Variants in CDH13 observed in about 807,000 individuals in gnomAD.
CDH13 encodes cadherin-13.
A neutral mutation model predicts 63.8 loss-of-function variants in CDH13; 24 were observed. The ratio of observed to expected loss-of-function variants is 0.38; its 90% confidence interval spans 0.27 to 0.53. The LOEUF (loss-of-function observed/expected upper bound fraction) is 0.53, where lower values mean the gene tolerates loss of function less well. Ranked by LOEUF, CDH13 falls within the 20% of genes least tolerant of loss-of-function variation. The pLI, the probability that CDH13 is intolerant of heterozygous loss-of-function variation, is 0.85. For missense variants in CDH13, 1,049 were observed against 903.1 expected (o/e 1.16, Z -2.07); for synonymous variants, 503 against 355.3 (o/e 1.42, Z -4.67).
chr16:83,438,435 G>C (rs991819173), intron 6 of CDH13, among the ~76,000 whole-genome samples: 1 of 152,150 alleles, frequency 6.6e-6, no homozygotes. Flanking sequence ...ATTTGAGATG[G>C]CACAGACAAT....
chr16:83,271,539 C>A (rs530779114), intron 5 of CDH13, among the ~76,000 whole-genome samples: 1 of 132,676 alleles, frequency 7.5e-6, no homozygotes, highest in African/African-American at 2.9e-5. Context: ...CAAAAAAAAA[C>A]GCTGTACCTA....
At chr16:83,171,406 A>T in intron 4 of CDH13, 1 of 846,970 alleles carries the variant, frequency 1.2e-6, no homozygotes. Context: ...ATGGGGGATT[A>T]CAGTTGAACA....
At chr16:82,754,487 G>C (rs1227881644) in intron 1 of CDH13, among the ~76,000 whole-genome samples, 4 of 152,084 alleles carry the variant, frequency 2.6e-5, no homozygotes, top group African/African-American at 9.7e-5. Context: ...TCTAGAAAAG[G>C]GGTCACTGTT....
chr16:83,272,981 C>T (rs2088871523), intron 5 of CDH13, among the ~76,000 whole-genome samples: 1 of 151,652 alleles, frequency 6.6e-6, no homozygotes, highest in Admixed American at 6.6e-5. Context: ...GCACAATCTG[C>T]TCAGATAACC....
chr16:83,215,984 A>AC (rs879666023), intron 4 of CDH13, among the ~76,000 whole-genome samples: 2,918 of 141,660 alleles, frequency 0.021, 74 homozygotes, highest in African/African-American at 0.062. Context: ...ACATAAAAAG[A>AC]CCACCCCCCA....
At chr16:83,110,523 G>C (rs971030906) in intron 3 of CDH13, among the ~76,000 whole-genome samples, 3 of 152,294 alleles carry the variant, frequency 2.0e-5, no homozygotes, top group African/African-American at 7.2e-5. Flanking sequence ...CTGAGTCACT[G>C]TATGTAGAGG....
At chr16:82,718,437 A>G (rs1021274586) in intron 1 of CDH13, among the ~76,000 whole-genome samples, 19 of 152,282 alleles carry the variant, frequency 1.2e-4, no homozygotes, top group African/African-American at 4.3e-4. Context: ...CTGAAGTAGA[A>G]GTAGGAAGTA....
intron 2 of CDH13, among the ~76,000 whole-genome samples, chr16:82,898,622 G>A (rs1309670534): frequency 6.6e-6 from 1 of 152,214 alleles, no homozygotes; most frequent in Non-Finnish European, 1.5e-5. Flanking sequence ...AGAGGTTTCT[G>A]AGGTCACAGA....
chr16:83,576,127 G>A (rs531912515), intron 7 of CDH13, among the ~76,000 whole-genome samples: 6 of 152,052 alleles, frequency 3.9e-5, no homozygotes, highest in Admixed American at 3.3e-4. Context: ...ATCCCAAAAG[G>A]AAACTCCAGA....
chr16:82,902,377 C>T (rs555134716), intron 2 of CDH13, among the ~76,000 whole-genome samples: 2 of 147,976 alleles, frequency 1.4e-5, no homozygotes, highest in African/African-American at 5.0e-5. Flanking sequence ...ATAAATGAAG[C>T]CAGGTTAGGA....
intron 7 of CDH13, among the ~76,000 whole-genome samples, chr16:83,557,450 G>C (rs1271182554): frequency 1.3e-5 from 2 of 152,140 alleles, no homozygotes; most frequent in Admixed American, 1.3e-4. Flanking sequence ...GAAAAGGTTG[G>C]GGACTGATGT....
At chr16:82,690,943 C>G (rs1444021201) in intron 1 of CDH13, among the ~76,000 whole-genome samples, 4 of 152,184 alleles carry the variant, frequency 2.6e-5, no homozygotes, top group Admixed American at 6.5e-5. Flanking sequence ...AATCAGTCAT[C>G]TAGCTGGGAA....
intron 11 of CDH13, among the ~76,000 whole-genome samples, chr16:83,753,154 T>G (rs922458943): frequency 2.6e-5 from 4 of 152,154 alleles, no homozygotes; most frequent in Non-Finnish European, 5.9e-5. Context: ...CCCTTATAAA[T>G]CAGAGCAACT....
intron 4 of CDH13, among the ~76,000 whole-genome samples, chr16:83,207,311 C>T (rs1351728952): frequency 6.6e-6 from 1 of 152,172 alleles, no homozygotes; most frequent in East Asian, 1.9e-4. Context: ...CCAGGTGCCT[C>T]TTGTAAGTGG....
At position 83,795,044 on chromosome 16, in the gene CDH13, C is replaced by A. The variant is rs752337271; in HGVS notation, c.*14C>A. The A allele has an allele frequency of 4.4e-6, 7 of 1,586,024 alleles. No individual in the cohort carries two copies. Among genetic ancestry groups the A allele is most frequent in the Non-Finnish European group, 5.1e-6 (6 of 1,166,188 alleles). On this transcript the variant is annotated 3_prime_UTR_variant, in exon 14 of 14. Transcript: ENST00000567109. ...TCAGGTCTGTGAGAACTCCTGACGT[C>A]TGAAGCTTGACTCCCAAGTTTCCAT...
intron 5 of CDH13, among the ~76,000 whole-genome samples, chr16:83,341,336 C>A (rs2090717734): frequency 6.6e-6 from 1 of 152,308 alleles, no homozygotes; most frequent in African/African-American, 2.4e-5. Context: ...AAGAGCCTGA[C>A]TTCAGAAAGT....
At chr16:83,561,619 A>G (rs866525975) in intron 7 of CDH13, among the ~76,000 whole-genome samples, 27 of 152,188 alleles carry the variant, frequency 1.8e-4, no homozygotes, top group African/African-American at 6.3e-4. Flanking sequence ...GGTTAAATTC[A>G]TGTATTTTCT....
At chr16:82,895,558 G>A (rs190170409) in intron 2 of CDH13, among the ~76,000 whole-genome samples, 1 of 152,234 alleles carries the variant, frequency 6.6e-6, no homozygotes, top group Admixed American at 6.5e-5. Flanking sequence ...TTATATCAGG[G>A]TTCACTCTTA....
chr16:83,069,305 T>C (rs560370319), intron 3 of CDH13, among the ~76,000 whole-genome samples: 231 of 152,310 alleles, frequency 1.5e-3, no homozygotes, highest in African/African-American at 5.3e-3. Flanking sequence ...TGTGGCACTC[T>C]TTAGTGGAAA....
Sources: allele counts gnomAD v4.1 joint callset (sites outside exome capture counted in the v4.1 genomes callset), GRCh38; gene constraint gnomAD v4.1.1; transcripts MANE v1.5; gene names NCBI Gene and HGNC (gene_info 2026-07-23, HGNC 2026-07-21).